The following PTGR1 variants were observed in gnomAD, a reference collection of about 807,000 sequenced individuals.
PTGR1 encodes the protein 15-oxoprostaglandin 13-reductase.
Under a neutral mutation model 37.7 loss-of-function variants are expected in PTGR1, and 23 were observed. The observed-to-expected ratio is 0.61, with a 90% CI of 0.44 to 0.86. The LOEUF (loss-of-function observed/expected upper bound fraction) is 0.86. PTGR1 is among the 40% of genes least tolerant of loss of function. The pLI is 0.00. For missense variants in PTGR1, 351 were observed against 394.3 expected, an observed-to-expected ratio of 0.89 and a Z score of 0.93; for synonymous variants, 134 against 140.0, an observed-to-expected ratio of 0.96 and a Z score of 0.30.
At chr9:111,559,532 C>T (rs1365398630), downstream of PTGR1, among the ~76,000 whole-genome samples, 3 of 152,068 alleles carry the variant, frequency 2.0e-5, no homozygotes, top group Non-Finnish European at 2.9e-5. Flanking sequence ...CAACTCCCCT[C>T]ATCAGGCCAC....
chr9:111,579,121 T>C (rs575327057), intron 6 of PTGR1, among the ~76,000 whole-genome samples, 170 bp from the exon 7 acceptor site: 1 of 151,004 alleles, frequency 6.6e-6, no homozygotes, highest in Non-Finnish European at 1.5e-5. Flanking sequence ...GTGAAATCAG[T>C]CCCCGGACCA....
downstream of PTGR1, among the ~76,000 whole-genome samples, chr9:111,561,139 G>GA (rs1828296047): frequency 6.4e-5 from 1 of 15,564 alleles, no homozygotes; most frequent in Non-Finnish European, 1.2e-4. Context: ...AGAGAGAGAG[G>GA]AGAGAGAGGG....
intron 6 of PTGR1, among the ~76,000 whole-genome samples, chr9:111,580,056 G>A (rs951749979): frequency 6.6e-6 from 1 of 152,144 alleles, no homozygotes; most frequent in Admixed American, 6.5e-5. Context: ...ACTATTGCAA[G>A]AGAGCCCTCC....
At chr9:111,591,081 C>T (rs1191263982) in intron 4 of PTGR1, among the ~76,000 whole-genome samples, 3 of 151,964 alleles carry the variant, frequency 2.0e-5, no homozygotes, top group African/African-American at 4.8e-5. Flanking sequence ...CACCTGAGGT[C>T]GGGAGTTCGA....
chr9:111,582,544 A>G (rs1477981142), intron 6 of PTGR1, among the ~76,000 whole-genome samples: 1 of 152,198 alleles, frequency 6.6e-6, no homozygotes, highest in Non-Finnish European at 1.5e-5. Context: ...TATACCATAC[A>G]TACGTAAAGC....
At chr9:111,598,416 G>A (rs1331667094) in intron 1 of PTGR1, among the ~76,000 whole-genome samples, 1 of 152,230 alleles carries the variant, frequency 6.6e-6, no homozygotes, top group Non-Finnish European at 1.5e-5. Flanking sequence ...GTGACCTGGA[G>A]GGAGCACTCC....
chr9:111,592,678 C>A, intron 4 of PTGR1: 1 of 381,334 alleles, frequency 2.6e-6, no homozygotes, highest in Non-Finnish European at 4.5e-6. Flanking sequence ...TGGACAAATA[C>A]TTTTTTTTTT....
At chr9:111,575,578 G>A (rs930918717) in intron 7 of PTGR1, among the ~76,000 whole-genome samples, 1 of 152,198 alleles carries the variant, frequency 6.6e-6, no homozygotes. Flanking sequence ...TGAATCACGA[G>A]TCCAAAAATG....
intron 7 of PTGR1, among the ~76,000 whole-genome samples, chr9:111,576,028 T>A (rs1829038103): frequency 6.6e-6 from 1 of 151,902 alleles, no homozygotes; most frequent in Non-Finnish European, 1.5e-5. Flanking sequence ...GGTATGATGG[T>A]GCATGTCTGT....
chr9:111,594,085 C>G, intron 3 of PTGR1, 137 bp downstream of exon 3: 1 of 918,338 alleles, frequency 1.1e-6, no homozygotes, highest in African/African-American at 1.6e-5. Flanking sequence ...GTGCATGAAT[C>G]TTATCACTGA....
At chr9:111,579,015 T>A (rs1342124391) in intron 6 of PTGR1, 64 bp from the exon 7 acceptor site, 5 of 1,481,212 alleles carry the variant, frequency 3.4e-6, no homozygotes, top group Non-Finnish European at 4.5e-6. Flanking sequence ...CAACACTACT[T>A]TCCTGGTCTC....
intron 9 of PTGR1, among the ~76,000 whole-genome samples, chr9:111,551,378 C>T (rs1383846353): frequency 1.4e-5 from 2 of 143,936 alleles, no homozygotes; most frequent in East Asian, 4.1e-4. Flanking sequence ...TTTCCAATAA[C>T]TGAATCAAGT....
At chr9:111,579,628 G>C (rs1458482323) in intron 6 of PTGR1, among the ~76,000 whole-genome samples, 1 of 151,944 alleles carries the variant, frequency 6.6e-6, no homozygotes, top group Non-Finnish European at 1.5e-5. Context: ...GAACTCCTAG[G>C]CTCAAGTGAT....
chr9:111,550,638 A>C (rs1275018952), intron 9 of PTGR1, among the ~76,000 whole-genome samples: 3 of 152,118 alleles, frequency 2.0e-5, no homozygotes, highest in Admixed American at 1.3e-4. Context: ...CTAGGTGGAG[A>C]GGTGGATTCC....
chr9:111,570,090 C>A lies in PTGR1; in HGVS notation c.879+1G>T, dbSNP rs1157267969. ...GAAGGGGTGGCTCCGGAGCTCCTTA[C>A]CTCTAAGACCCATTTCAGCAAGTCC... On this transcript the variant is annotated splice_donor_variant, in intron 9 of 9. Coordinates refer to ENST00000407693, the MANE Select transcript of PTGR1 (RefSeq NM_001146108.2). LOFTEE classifies it high-confidence loss of function. The A allele has an allele frequency of 1.2e-6, 2 of 1,614,090 alleles. No individual in the cohort carries two copies. Among genetic ancestry groups the A allele is most frequent in the Non-Finnish European group, 1.7e-6 (2 of 1,180,008 alleles).
chr9:111,582,790 T>C (rs916812684), intron 6 of PTGR1, among the ~76,000 whole-genome samples: 3 of 152,268 alleles, frequency 2.0e-5, no homozygotes, highest in Non-Finnish European at 4.4e-5. Flanking sequence ...TGTAACCCTG[T>C]ACTCATCTGT....
At position 111,591,066 on chromosome 9, in the gene PTGR1, C is replaced by T. The variant is rs186535747; in HGVS notation, c.209+1860G>A. ...CAAAACTTTGAGAGGCCAAGGCGGG[C>T]GGATCACCTGAGGTCGGGAGTTCGA... On this transcript the variant is annotated intron_variant, in intron 4 of 9. Transcript: ENST00000407693. Among the ~76,000 whole-genome samples, 725 of 152,130 alleles carry T rather than the reference C, an allele frequency of 4.8e-3. 5 individuals are homozygous for T. Among genetic ancestry groups the T allele is most frequent in the African/African-American group, 0.016 (671 of 41,506 alleles).
At chr9:111,552,742 A>G (rs997848493) in intron 9 of PTGR1, among the ~76,000 whole-genome samples, 24 of 152,344 alleles carry the variant, frequency 1.6e-4, no homozygotes, top group African/African-American at 5.5e-4. Flanking sequence ...ATCTAAGGCT[A>G]AAGAAAAATA....
intron 4 of PTGR1, chr9:111,592,546 G>T: frequency 5.9e-6 from 1 of 168,744 alleles, no homozygotes; most frequent in Non-Finnish European, 1.3e-5. Context: ...GACGCCCCTG[G>T]ACCCAGCTTT....
Sources: gnomAD v4.1 joint callset for allele counts (sites outside exome capture counted in the v4.1 genomes callset) on GRCh38, gnomAD v4.1.1 for gene constraint, MANE v1.5 for transcripts, NCBI Gene and HGNC (gene_info 2026-07-23, HGNC 2026-07-21) for gene names.